The following RYR2 variants were observed in gnomAD, a reference collection of about 807,000 sequenced individuals.
The protein encoded by RYR2 is cardiac muscle ryanodine receptor-calcium release channel.
Under a neutral mutation model 601.1 loss-of-function variants are expected in RYR2, and 227 were observed. That is an observed-to-expected ratio of 0.38 (90% CI 0.34 to 0.42). The LOEUF is 0.42. Ranked by LOEUF, RYR2 falls within the 10% of genes least tolerant of loss-of-function variation. The pLI is 1.00. For missense variants in RYR2, 4,646 were observed against 6,156.5 expected (o/e 0.75, Z 8.21); for synonymous variants, 2,223 against 2,175.1 (o/e 1.02, Z -0.61).
intron 5 of RYR2, among the ~76,000 whole-genome samples, chr1:237,368,480 G>C (rs1251910333): frequency 6.6e-6 from 1 of 152,134 alleles, no homozygotes; most frequent in Non-Finnish European, 1.5e-5. Flanking sequence ...TTGAAGATGA[G>C]GCTAGAGATG....
chr1:237,636,254 C>G (rs916283381), intron 44 of RYR2, among the ~76,000 whole-genome samples: 1 of 151,954 alleles, frequency 6.6e-6, no homozygotes, highest in Non-Finnish European at 1.5e-5. Context: ...TAATGTCAAG[C>G]CAGGGAGGTC....
intron 56 of RYR2, among the ~76,000 whole-genome samples, chr1:237,665,040 G>A (rs1270801939): frequency 3.9e-5 from 6 of 152,158 alleles, no homozygotes; most frequent in Non-Finnish European, 8.8e-5. Context: ...ACTTTGCTAA[G>A]GATTTTACAT....
At chr1:237,536,752 G>GGT (rs1422536427) in intron 25 of RYR2, among the ~76,000 whole-genome samples, 3 of 141,468 alleles carry the variant, frequency 2.1e-5, no homozygotes, top group Admixed American at 1.5e-4. Flanking sequence ...CGGGCATGGT[G>GGT]GCAGGCGCCT....
chr1:237,251,274 T>G (rs1187018486), intron 1 of RYR2, among the ~76,000 whole-genome samples: 1 of 152,174 alleles, frequency 6.6e-6, no homozygotes, highest in Non-Finnish European at 1.5e-5. Flanking sequence ...TGTCTGTACC[T>G]GCTGCTCTGC....
Position 237,496,726 on chromosome 1 carries a change from G to C in RYR2, c.2177G>C (p.Gly726Ala). The C allele has an allele frequency of 6.2e-7, 1 of 1,613,798 alleles. No homozygotes were observed. The highest frequency in any genetic ancestry group is 8.5e-7 in the Non-Finnish European group (1 of 1,179,780). ...NGVGDDLFSY[G>A]FDGLHLWSGC... ...GTTGGAGATGATCTCTTCTCCTATG[G>C]ATTTGATGGCCTTCATCTCTGGTCA... Residue 726 changes from glycine (G) to alanine (A), a missense_variant, in exon 20 of 105, where the codon GGA (glycine) becomes GCA (alanine). Physicochemically the swap from Gly to Ala is moderately conservative, Grantham distance 60 (BLOSUM62 0). This residue lies in a region of RYR2 where 1,807 missense variants were observed against 2,088.1 expected (regional missense o/e 0.87). Transcript: ENST00000366574.
At chr1:237,632,250 C>G (rs1680409873) in intron 42 of RYR2, among the ~76,000 whole-genome samples, 1 of 137,880 alleles carries the variant, frequency 7.3e-6, no homozygotes, top group South Asian at 2.4e-4. Context: ...CGTTACCAGT[C>G]CATGGCACAA....
At position 237,307,162 on chromosome 1, in the gene RYR2, C is replaced by T. The variant is rs555845939; in HGVS notation, c.169-23716C>T. 3.1e-3 allele frequency among the ~76,000 whole-genome samples: 336 copies of T among 109,584 alleles called. 1 individual carries two copies. Among genetic ancestry groups the T allele is most frequent in the African/African-American group, 8.3e-3 (330 of 39,842 alleles). The allele number at this position is 109,584 out of a possible 152,430, so 71.9% of individuals were successfully genotyped here. On this transcript the variant is annotated intron_variant, in intron 2 of 104. Coordinates refer to ENST00000366574, the MANE Select transcript of RYR2 (RefSeq NM_001035.3). Reference sequence around the variant, plus strand: ...ATGATAATGTCATTACCACTTTTTACATGCACCTGGTGTATCAGAGACTCT... The same window carrying T: ...ATGATAATGTCATTACCACTTTTTATATGCACCTGGTGTATCAGAGACTCT...
intron 60 of RYR2, among the ~76,000 whole-genome samples, chr1:237,675,701 C>G (rs1163322924): frequency 6.6e-6 from 1 of 152,110 alleles, no homozygotes; most frequent in Non-Finnish European, 1.5e-5. Flanking sequence ...TGCTGTTTGT[C>G]TTAGGATGTA....
Position 237,623,851 on chromosome 1 carries a change from A to C in RYR2, c.6003A>C (p.Glu2001Asp). 6.2e-7 allele frequency: 1 copy of C among 1,609,724 alleles called. No homozygotes were observed. Among genetic ancestry groups the C allele is most frequent in the South Asian group, 1.1e-5 (1 of 90,992 alleles). ...EIRDQLLDFH[E>D]DLMTHCGIEL... ...GTGACCAACTATTGGATTTCCATGA[A>C]GATTTGATGACACATTGTGGTAAGG... Residue 2001 changes from glutamate (E) to aspartate (D), a missense_variant, in exon 39 of 105, where the codon GAA (glutamate) becomes GAC (aspartate). Transcript: ENST00000366574.
rs1387277825 is a variant in RYR2, at chr1:237,770,862, A to G, written c.11532A>G (p.Gln3844=). 6.4e-7 allele frequency: 1 copy of G among 1,551,794 alleles called. No individual in the cohort carries two copies. Among genetic ancestry groups the G allele is most frequent in the Admixed American group, 1.9e-5 (1 of 51,324 alleles). ...CCTGTGACCTCTTCCGATTCCTGCA[A>G]CTACTCTGTGAGGGACACAACTCAG... ...EFTCDLFRFL[Q]LLCEGHNSDF... is the part of the protein sequence containing the mutation. The change falls in exon 85 of 105, where the codon CAA becomes CAG. Residue 3844 remains glutamine (Q), a synonymous_variant. Coordinates refer to ENST00000366574, the MANE Select transcript of RYR2 (RefSeq NM_001035.3).
chr1:237,185,334 A>G (rs551581354), intron 1 of RYR2, among the ~76,000 whole-genome samples: 2 of 152,136 alleles, frequency 1.3e-5, no homozygotes, highest in African/African-American at 2.4e-5. Context: ...CCTGAGCAGC[A>G]CTATTTTACA....
intron 17 of RYR2, among the ~76,000 whole-genome samples, chr1:237,477,879 G>A (rs1463803500): frequency 3.3e-5 from 5 of 152,180 alleles, no homozygotes; most frequent in Non-Finnish European, 5.9e-5. Context: ...CCACCCAAAT[G>A]TTCCATCTGC....
intron 8 of RYR2, among the ~76,000 whole-genome samples, chr1:237,385,105 G>T (rs1311907834): frequency 6.6e-6 from 1 of 151,978 alleles, no homozygotes; most frequent in African/African-American, 2.4e-5. Flanking sequence ...TAGCCAGGAT[G>T]GTCTCAATCT....
At chr1:237,282,320 G>T (rs190734692) in intron 2 of RYR2, among the ~76,000 whole-genome samples, 9 of 151,984 alleles carry the variant, frequency 5.9e-5, no homozygotes, top group Non-Finnish European at 8.8e-5. Context: ...ACATGGCTGT[G>T]TTCCAAAAAA....
chr1:237,756,486 C>G, intron 81 of RYR2, 99 bp downstream of exon 81: 1 of 717,542 alleles, frequency 1.4e-6, no homozygotes, highest in Middle Eastern at 2.6e-4. Flanking sequence ...CTCATTTAGT[C>G]CTGGGGTTTC....
At position 237,402,482 on chromosome 1, in the gene RYR2, A is replaced by G. The variant is rs112515982; in HGVS notation, c.773+14299A>G. ...TTTAGTAGAGAACTGGAAACTATAA[A>G]AAATGATCATATAGACATTCTAAAA... On this transcript the variant is annotated intron_variant, in intron 10 of 104. Coordinates refer to ENST00000366574, the MANE Select transcript of RYR2 (RefSeq NM_001035.3). Among the ~76,000 whole-genome samples, 1,025 of 152,210 alleles carry G rather than the reference A, an allele frequency of 6.7e-3. 11 individuals carry two copies. The highest frequency in any genetic ancestry group is 0.023 in the African/African-American group (957 of 41,578).
rs758058689 is a variant in RYR2 at position 237,784,553 on chromosome 1, A to T, written c.12841A>T (p.Thr4281Ser). 5 of 1,613,978 alleles carry T rather than the reference A, an allele frequency of 3.1e-6. No homozygotes were observed. Among genetic ancestry groups the T allele is most frequent in the Non-Finnish European group, 4.2e-6 (5 of 1,179,878 alleles). Residue 4281 changes from threonine to serine, a missense_variant, in exon 90 of 105, where the codon ACG becomes TCG. Thr to Ser is a moderately conservative substitution (Grantham distance 58). Transcript: ENST00000366574. This position sits in a 1 kb window ranked among gnomAD's most constrained non-coding sequence, Gnocchi z 7.1. ...AAAGATGACCGTGAAGGACATGGTC[A>T]CGGCCTTCTTTTCATCCTACTGGAG... ...VKKMTVKDMVTAFFSSYWSIF... is the reference protein window; with the variant it reads ...VKKMTVKDMVSAFFSSYWSIF...
At position 237,654,378 on chromosome 1, in the gene RYR2, G is replaced by C. The variant is rs758412310; in HGVS notation, c.7929G>C (p.Lys2643Asn). 6.2e-7 allele frequency: 1 copy of C among 1,613,922 alleles called. No homozygotes were observed. The highest frequency in any genetic ancestry group is 1.1e-5 in the South Asian group (1 of 91,082). ...AAGAAGAACTTCATTTATCAAGAAAGTTGTTCTGGGGCATTTTTGATGCCC... is the reference window on the plus strand; with the variant it reads ...AAGAAGAACTTCATTTATCAAGAAACTTGTTCTGGGGCATTTTTGATGCCC... Reference protein sequence around the residue: ...ASEEELHLSRKLFWGIFDALS... With the variant: ...ASEEELHLSRNLFWGIFDALS... Residue 2643 changes from lysine to asparagine, a missense_variant, in exon 52 of 105, where the codon AAG (lysine) becomes AAC (asparagine). Around this residue, in one of 17 missense-constraint regions of RYR2, gnomAD observed 1,497 missense variants for 1,842.6 expected, o/e 0.81. Transcript: ENST00000366574.
chr1:237,807,812 C>T lies in RYR2; in HGVS notation c.14299-1089C>T, dbSNP rs150267859. On this transcript the variant is annotated intron_variant, in intron 99 of 104. Coordinates refer to ENST00000366574, the MANE Select transcript of RYR2 (RefSeq NM_001035.3). ...TAATTATAAAGTGATTTTGTAAAGACTTAATCAGCATAAGCAGTTGCAGTC... is the reference window on the plus strand; with the variant it reads ...TAATTATAAAGTGATTTTGTAAAGATTTAATCAGCATAAGCAGTTGCAGTC... Among the ~76,000 whole-genome samples the T allele has an allele frequency of 3.9e-3, 593 of 152,238 alleles. 3 individuals carry two copies. The highest frequency in any genetic ancestry group is 0.014 in the African/African-American group (572 of 41,532).
Sources: allele counts gnomAD v4.1 joint callset (sites outside exome capture counted in the v4.1 genomes callset), GRCh38; gene constraint gnomAD v4.1.1; regional missense constraint gnomAD v4.1.1; non-coding constraint Gnocchi (gnomAD v3.1); transcripts MANE v1.5; gene names NCBI Gene and HGNC (gene_info 2026-07-23, HGNC 2026-07-21).